Variants in GPC6 observed in about 807,000 individuals in gnomAD.
GPC6 encodes the protein glypican-6.
A neutral mutation model predicts 55.2 loss-of-function variants in GPC6; 14 were observed. The ratio of observed to expected loss-of-function variants is 0.25; its 90% confidence interval spans 0.17 to 0.40. The LOEUF is 0.40. Ranked by LOEUF, GPC6 falls within the 10% of genes least tolerant of loss-of-function variation. The pLI is 1.00. For missense variants in GPC6, 641 were observed against 708.5 expected (o/e 0.90, Z 1.08); for synonymous variants, 278 against 259.6 (o/e 1.07, Z -0.68).
chr13:93,809,348 C>T (rs1429972072), intron 2 of GPC6, among the ~76,000 whole-genome samples: 1 of 152,130 alleles, frequency 6.6e-6, no homozygotes, highest in East Asian at 1.9e-4. Context: ...TTCTTCATTT[C>T]AGTTAAGACT....
chr13:94,094,680 G>T (rs1209798112), intron 4 of GPC6, among the ~76,000 whole-genome samples: 2 of 151,982 alleles, frequency 1.3e-5, no homozygotes, highest in Non-Finnish European at 2.9e-5. Flanking sequence ...TGTAATTATT[G>T]GTTTAGTTTT....
rs2813594 is a variant in GPC6 at position 93,505,450 on chromosome 13, C to G, written c.161-39813C>G. ...ACACGTGCACACACACACACACACA[C>G]AGAGACAGAGAGAGAGAGAGAGAGA... On this transcript the variant is annotated intron_variant, in intron 1 of 8. Transcript: ENST00000377047. Among the ~76,000 whole-genome samples the G allele has an allele frequency of 5.9e-3, 901 of 151,860 alleles. 7 individuals are homozygous for G. The highest frequency in any genetic ancestry group is 0.018 in the African/African-American group (729 of 41,328).
At chr13:94,033,758 G>C (rs1006577192) in intron 4 of GPC6, among the ~76,000 whole-genome samples, 2 of 151,972 alleles carry the variant, frequency 1.3e-5, no homozygotes, top group African/African-American at 4.8e-5. Flanking sequence ...AAAACCTCTA[G>C]AATCTAAACA....
At chr13:93,259,208 G>A (rs536346874) in intron 1 of GPC6, among the ~76,000 whole-genome samples, 6 of 152,176 alleles carry the variant, frequency 3.9e-5, no homozygotes, top group African/African-American at 1.2e-4. Context: ...ACTTAAAGGC[G>A]AACCCATGCC....
intron 3 of GPC6, among the ~76,000 whole-genome samples, chr13:93,862,740 C>T (rs1235797624): frequency 6.6e-6 from 1 of 151,532 alleles, no homozygotes; most frequent in Non-Finnish European, 1.5e-5. Context: ...GAGTAATATC[C>T]CCGTTGACAG....
At chr13:93,818,770 G>A (rs984149204) in intron 2 of GPC6, 10 of 152,150 alleles carry the variant, frequency 6.6e-5, no homozygotes, top group African/African-American at 1.9e-4. Flanking sequence ...CTCAAGATGC[G>A]AATACTGGCT....
At chr13:93,794,487 T>A (rs1179255094) in intron 2 of GPC6, among the ~76,000 whole-genome samples, 4 of 152,234 alleles carry the variant, frequency 2.6e-5, no homozygotes, top group African/African-American at 9.6e-5. Context: ...GTTTTTCTAG[T>A]TTAATACACA....
At chr13:93,699,606 T>C (rs1468819660) in intron 2 of GPC6, among the ~76,000 whole-genome samples, 1 of 152,126 alleles carries the variant, frequency 6.6e-6, no homozygotes, top group East Asian at 1.9e-4. Context: ...TTTTTATAAA[T>C]AATATTTTTC....
chr13:94,372,818 G>A (rs1001544357), intron 6 of GPC6, among the ~76,000 whole-genome samples: 1 of 152,172 alleles, frequency 6.6e-6, no homozygotes, highest in South Asian at 2.1e-4. Flanking sequence ...GTCCCTGTCT[G>A]ACAGCTTTGA....
chr13:93,508,042 C>T (rs1258013887), intron 1 of GPC6, among the ~76,000 whole-genome samples: 2 of 152,150 alleles, frequency 1.3e-5, no homozygotes, highest in African/African-American at 2.4e-5. Context: ...TGGACTTAAA[C>T]ACTTTTATTC....
chr13:93,640,581 C>T (rs1336299226), intron 2 of GPC6, among the ~76,000 whole-genome samples: 2 of 152,018 alleles, frequency 1.3e-5, no homozygotes, highest in Non-Finnish European at 1.5e-5. Flanking sequence ...TAGGAACTCT[C>T]TATCAAGAAA....
chr13:93,354,013 G>A (rs987261742), intron 1 of GPC6, among the ~76,000 whole-genome samples: 26 of 152,040 alleles, frequency 1.7e-4, no homozygotes, highest in Non-Finnish European at 3.7e-4. Context: ...GAACTGATTT[G>A]GTAAATCAGA....
rs755185604 is a variant in GPC6, at chr13:93,789,598, C to CATATAT, written c.320-40514_320-40509dup. ...TAAATACTATATATATATAATACTA[C>CATATAT]ATATATATATATATATATATATATA... On this transcript the variant is annotated intron_variant, in intron 2 of 8. Coordinates refer to ENST00000377047, the MANE Select transcript of GPC6 (RefSeq NM_005708.5). Among the ~76,000 whole-genome samples, 191 of 67,642 alleles carry CATATAT rather than the reference C, an allele frequency of 2.8e-3. 10 individuals carry two copies. Among genetic ancestry groups the CATATAT allele is most frequent in the Non-Finnish European group, 4.2e-3 (147 of 34,952 alleles). The allele number at this position is 67,642 out of a possible 152,430, so 44.4% of individuals were successfully genotyped here. A position where few individuals can be genotyped will look rare whatever the true frequency, so the allele number is the denominator to read the frequency against.
intron 1 of GPC6, among the ~76,000 whole-genome samples, chr13:93,285,449 G>A (rs1878078256): frequency 6.6e-6 from 1 of 152,122 alleles, no homozygotes; most frequent in Non-Finnish European, 1.5e-5. Flanking sequence ...AATGATGTCT[G>A]TGCACACTGT....
chr13:94,155,411 C>G (rs1328822), intron 4 of GPC6, among the ~76,000 whole-genome samples: 42,524 of 152,062 alleles, frequency 0.28, 6,462 homozygotes, highest in African/African-American at 0.4. Flanking sequence ...ATACCTTTTC[C>G]ACAGCTTTCA....
chr13:93,437,944 T>A (rs1367437853), intron 1 of GPC6, among the ~76,000 whole-genome samples: 1 of 152,128 alleles, frequency 6.6e-6, no homozygotes, highest in Non-Finnish European at 1.5e-5. Flanking sequence ...AGCTGGTGAT[T>A]TTAAATTGAG....
intron 1 of GPC6, among the ~76,000 whole-genome samples, chr13:93,377,885 A>G (rs559136516): frequency 1.2e-4 from 19 of 152,312 alleles, no homozygotes; most frequent in Admixed American, 5.9e-4. Context: ...AAGGACATAA[A>G]GAGGTAGGGT....
intron 5 of GPC6, among the ~76,000 whole-genome samples, chr13:94,290,743 C>G (rs1210593474): frequency 6.6e-6 from 1 of 152,108 alleles, no homozygotes; most frequent in Non-Finnish European, 1.5e-5. Flanking sequence ...ATTAAAAATT[C>G]TTCAAGAGAT....
At chr13:93,314,754 T>TGTGTGTGCGC (rs1555290021) in intron 1 of GPC6, among the ~76,000 whole-genome samples, 5 of 149,294 alleles carry the variant, frequency 3.3e-5, no homozygotes, top group African/African-American at 1.2e-4. Context: ...TGTGTGTGTG[T>TGTGTGTGCGC]GTGCACGCAT....
Sources: gnomAD v4.1 joint callset for allele counts (sites outside exome capture counted in the v4.1 genomes callset) on GRCh38, gnomAD v4.1.1 for gene constraint, MANE v1.5 for transcripts, NCBI Gene and HGNC (gene_info 2026-07-23, HGNC 2026-07-21) for gene names.